The following GRIK1 variants were observed in gnomAD, a reference collection of about 807,000 sequenced individuals.
GRIK1 encodes the protein glutamate ionotropic receptor kainate type subunit 1.
GRIK1 carries 69 observed loss-of-function variants against 105.7 expected under a neutral mutation model. That is an observed-to-expected ratio of 0.65 (90% confidence interval 0.54 to 0.80). GRIK1 has a LOEUF of 0.80. Among genes scored for constraint, GRIK1 ranks in the 30% least tolerant of loss-of-function variants. The pLI is 0.00. For missense variants in GRIK1, 1,109 were observed against 1,167.3 expected, an observed-to-expected ratio of 0.95 and a Z score of 0.73; for synonymous variants, 438 against 431.3, an observed-to-expected ratio of 1.02 and a Z score of -0.19.
intron 1 of GRIK1, among the ~76,000 whole-genome samples, chr21:29,848,779 A>ATATATATATATATATATTTTT: frequency 1.0e-4 from 8 of 77,862 alleles, no homozygotes; most frequent in African/African-American, 4.1e-4. Context: ...ATATATATAT[A>ATATATATATATATATATTTTT]TTTTTTTTTT....
At chr21:29,587,947 C>A (rs897865064) in intron 11 of GRIK1, among the ~76,000 whole-genome samples, 1 of 129,670 alleles carries the variant, frequency 7.7e-6, no homozygotes, top group Non-Finnish European at 1.6e-5. Flanking sequence ...TTGCTCTGAG[C>A]TGAAAACTTT....
At chr21:29,670,423 T>C (rs545460367) in intron 4 of GRIK1, among the ~76,000 whole-genome samples, 1 of 152,348 alleles carries the variant, frequency 6.6e-6, no homozygotes, top group South Asian at 2.1e-4. Context: ...TTAATTGTCC[T>C]TTGAATGATG....
chr21:29,939,245 T>C, intron 1 of GRIK1, 138 bp downstream of exon 1: 1 of 575,272 alleles, frequency 1.7e-6, no homozygotes, highest in South Asian at 2.1e-5. Context: ...TTGTGTAGCC[T>C]CCCATGAGCA....
At chr21:29,856,888 G>A (rs2068481146) in intron 1 of GRIK1, among the ~76,000 whole-genome samples, 1 of 152,062 alleles carries the variant, frequency 6.6e-6, no homozygotes, top group Admixed American at 6.5e-5. Flanking sequence ...CGAAGCCTAA[G>A]GACCCCGAGG....
intron 1 of GRIK1, among the ~76,000 whole-genome samples, chr21:29,937,745 T>C (rs1184280372): frequency 6.6e-6 from 1 of 152,058 alleles, no homozygotes; most frequent in Admixed American, 6.5e-5. Flanking sequence ...AGTTAATAAG[T>C]ATTGGAAATT....
rs146696114 is a variant in GRIK1 at position 29,711,548 on chromosome 21, T to A, written c.119-17485A>T. On this transcript the variant is annotated intron_variant, in intron 1 of 17. Coordinates refer to ENST00000327783, the MANE Select transcript of GRIK1 (RefSeq NM_001330994.2). ...ACACCAAGGAATCTGTTTGTCTTTT[T>A]GAGAGATTAGCAGAAAATAGTATCA... Among the ~76,000 whole-genome samples the A allele has an allele frequency of 6.4e-3, 977 of 152,174 alleles. 12 individuals are homozygous for A. The highest frequency in any genetic ancestry group is 0.022 in the African/African-American group (931 of 41,542).
intron 1 of GRIK1, among the ~76,000 whole-genome samples, chr21:29,929,379 GA>G (rs1204326826): frequency 2.6e-5 from 4 of 151,842 alleles, no homozygotes; most frequent in Non-Finnish European, 4.4e-5. Flanking sequence ...GAATAAAAGT[GA>G]AAAAAAACTT....
At chr21:29,791,912 T>A (rs1375068208) in intron 1 of GRIK1, among the ~76,000 whole-genome samples, 2 of 152,190 alleles carry the variant, frequency 1.3e-5, no homozygotes, top group African/African-American at 4.8e-5. Flanking sequence ...ATAACAAATA[T>A]TTACACATGT....
At chr21:29,907,099 C>T (rs913260509) in intron 1 of GRIK1, among the ~76,000 whole-genome samples, 1 of 150,464 alleles carries the variant, frequency 6.6e-6, no homozygotes, top group East Asian at 1.9e-4. Context: ...TTCACTTCCT[C>T]TAAATTTGTA....
intron 1 of GRIK1, among the ~76,000 whole-genome samples, chr21:29,777,847 C>T (rs1372552949): frequency 6.6e-6 from 1 of 152,122 alleles, no homozygotes; most frequent in African/African-American, 2.4e-5. Flanking sequence ...CAGAACTTGA[C>T]GACTAATTGA....
intron 1 of GRIK1, among the ~76,000 whole-genome samples, chr21:29,774,599 C>T (rs978242089): frequency 2.0e-5 from 3 of 152,128 alleles, no homozygotes; most frequent in Non-Finnish European, 4.4e-5. Context: ...CTACAGGCAC[C>T]TGCTACCATG....
intron 1 of GRIK1, among the ~76,000 whole-genome samples, chr21:29,759,845 T>A (rs1031337980): frequency 9.2e-5 from 14 of 152,242 alleles, no homozygotes; most frequent in Non-Finnish European, 1.9e-4. Flanking sequence ...GATGCTAAGA[T>A]TGGTTTGTCC....
At chr21:29,781,409 G>A (rs1301141199) in intron 1 of GRIK1, among the ~76,000 whole-genome samples, 1 of 151,790 alleles carries the variant, frequency 6.6e-6, no homozygotes, top group East Asian at 1.9e-4. Flanking sequence ...ATCATCATTA[G>A]CCCATGCAAT....
At chr21:29,831,437 C>A (rs1312713421) in intron 1 of GRIK1, among the ~76,000 whole-genome samples, 1 of 152,142 alleles carries the variant, frequency 6.6e-6, no homozygotes, top group Admixed American at 6.6e-5. Flanking sequence ...AAAGAACTAC[C>A]TGAGACTGGG....
chr21:29,598,050 C>T (rs2061450190), intron 8 of GRIK1, among the ~76,000 whole-genome samples: 1 of 152,128 alleles, frequency 6.6e-6, no homozygotes, highest in African/African-American at 2.4e-5. Flanking sequence ...GAGGTGATTG[C>T]TTTGGGGGTT....
intron 1 of GRIK1, among the ~76,000 whole-genome samples, chr21:29,705,976 C>T (rs531906285): frequency 5.3e-5 from 8 of 150,908 alleles, no homozygotes; most frequent in African/African-American, 2.0e-4. Flanking sequence ...CGGGTTCAAG[C>T]GATTCTCCTG....
intron 1 of GRIK1, among the ~76,000 whole-genome samples, chr21:29,778,643 G>A (rs535447959): frequency 6.6e-6 from 1 of 152,262 alleles, no homozygotes; most frequent in East Asian, 1.9e-4. Context: ...CTCTACACAT[G>A]CCCTATCAAG....
At chr21:29,838,162 T>C (rs895102117) in intron 1 of GRIK1, among the ~76,000 whole-genome samples, 4 of 152,174 alleles carry the variant, frequency 2.6e-5, no homozygotes, top group Non-Finnish European at 1.5e-5. Context: ...ATTGGGTCCA[T>C]AATAGGATAA....
chr21:29,679,466 A>G (rs1601435227), intron 3 of GRIK1, among the ~76,000 whole-genome samples: 1 of 152,266 alleles, frequency 6.6e-6, no homozygotes, highest in East Asian at 1.9e-4. Flanking sequence ...GGCTGAGGCC[A>G]CTCAAATTTG....
Sources: gnomAD v4.1 joint callset for allele counts (sites outside exome capture counted in the v4.1 genomes callset) on GRCh38, gnomAD v4.1.1 for gene constraint, MANE v1.5 for transcripts, NCBI Gene and HGNC (gene_info 2026-07-23, HGNC 2026-07-21) for gene names.